KCNJ1: variants seen among roughly 807,000 people sequenced by gnomAD.
KCNJ1 encodes potassium inwardly rectifying channel subfamily J member 1, also known as ATP-sensitive inward rectifier potassium channel 1.
KCNJ1 carries 24 observed loss-of-function variants against 21.9 expected under a neutral mutation model. That is an observed-to-expected ratio of 1.10 (90% CI 0.79 to 1.54). The LOEUF is 1.54. KCNJ1 is among the 40% of genes most tolerant of loss of function. KCNJ1 has a pLI of 0.00. For missense variants in KCNJ1, 457 were observed against 455.4 expected, an observed-to-expected ratio of 1.00 and a Z score of -0.03; for synonymous variants, 152 against 160.9, an observed-to-expected ratio of 0.94 and a Z score of 0.42.
chr11:128,846,036 C>T (rs1943374210), intron 2 of KCNJ1, among the ~76,000 whole-genome samples: 1 of 152,194 alleles, frequency 6.6e-6, no homozygotes. Context: ...GTATCACTTT[C>T]TGAATAACTT....
At chr11:128,864,546 C>A (rs1943783194) in intron 1 of KCNJ1, among the ~76,000 whole-genome samples, 1 of 152,068 alleles carries the variant, frequency 6.6e-6, no homozygotes, top group Admixed American at 6.6e-5. Context: ...CCACTTTTTG[C>A]TATTTCACAG....
At chr11:128,848,420 G>C (rs1943421662) in intron 2 of KCNJ1, among the ~76,000 whole-genome samples, 1 of 151,928 alleles carries the variant, frequency 6.6e-6, no homozygotes, top group African/African-American at 2.4e-5. Flanking sequence ...TTGAACTCCT[G>C]GCCTCAAGCA....
intron 2 of KCNJ1, among the ~76,000 whole-genome samples, chr11:128,844,433 T>C (rs1943344212): frequency 6.6e-6 from 1 of 152,246 alleles, no homozygotes; most frequent in African/African-American, 2.4e-5. Context: ...CTAGTTGTGC[T>C]TCAGAGAAAT....
intron 1 of KCNJ1, among the ~76,000 whole-genome samples, chr11:128,865,746 C>A (rs1943805849): frequency 6.6e-6 from 1 of 152,100 alleles, no homozygotes; most frequent in South Asian, 2.1e-4. Context: ...AGGGTAGACT[C>A]ATAACCTAGC....
chr11:128,842,173 C>T (rs1943293884), intron 2 of KCNJ1, among the ~76,000 whole-genome samples: 1 of 152,244 alleles, frequency 6.6e-6, no homozygotes, highest in African/African-American at 2.4e-5. Flanking sequence ...GCTCCTAACA[C>T]ACCAACTTCT....
At chr11:128,853,729 C>T (rs548850704) in intron 1 of KCNJ1, among the ~76,000 whole-genome samples, 25 of 152,154 alleles carry the variant, frequency 1.6e-4, no homozygotes, top group Non-Finnish European at 3.1e-4. Flanking sequence ...CAGTCGCGAC[C>T]GACTTCCCCT....
chr11:128,865,861 TA>T (rs370937743), intron 1 of KCNJ1, among the ~76,000 whole-genome samples: 2 of 151,832 alleles, frequency 1.3e-5, no homozygotes, highest in African/African-American at 2.4e-5. Flanking sequence ...CTTCTTATAT[TA>T]AAAAAAATCA....
At chr11:128,842,498 T>A (rs1248294587) in intron 2 of KCNJ1, 2 of 1,609,608 alleles carry the variant, frequency 1.2e-6, no homozygotes, top group Non-Finnish European at 1.7e-6. Context: ...CCTAATTTAT[T>A]GTAGGCGACA....
intron 2 of KCNJ1, among the ~76,000 whole-genome samples, chr11:128,846,043 A>G (rs1201944675): frequency 6.6e-6 from 1 of 152,112 alleles, no homozygotes; most frequent in Non-Finnish European, 1.5e-5. Context: ...TTTCTGAATA[A>G]CTTGTCCTTT....
intron 1 of KCNJ1, among the ~76,000 whole-genome samples, chr11:128,856,648 A>T (rs573213061): frequency 1.3e-5 from 2 of 152,296 alleles, no homozygotes; most frequent in East Asian, 3.9e-4. Context: ...GTTTTGTTCA[A>T]TTCAGATCAT....
intron 1 of KCNJ1, among the ~76,000 whole-genome samples, chr11:128,864,776 C>T (rs752700037): frequency 7.2e-5 from 11 of 152,032 alleles, no homozygotes; most frequent in East Asian, 1.9e-4. Context: ...ACTTCATCCT[C>T]GCCTGTCCCC....
intron 1 of KCNJ1, among the ~76,000 whole-genome samples, chr11:128,863,884 C>T (rs753124525): frequency 2.6e-5 from 4 of 152,038 alleles, no homozygotes; most frequent in Non-Finnish European, 2.9e-5. Context: ...TTCTTTTTTC[C>T]GTTTGCTCAC....
chr11:128,846,133 G>C (rs1277197475), intron 2 of KCNJ1, among the ~76,000 whole-genome samples: 1 of 152,156 alleles, frequency 6.6e-6, no homozygotes, highest in Non-Finnish European at 1.5e-5. Context: ...GGGCAGCATG[G>C]CAGAGTCGAC....
intron 1 of KCNJ1, among the ~76,000 whole-genome samples, chr11:128,862,016 G>A (rs372040459): frequency 6.6e-6 from 1 of 152,130 alleles, no homozygotes; most frequent in Non-Finnish European, 1.5e-5. Flanking sequence ...GTGGTCATCC[G>A]CGTGGGAAGG....
rs113392179 is a variant in KCNJ1, at chr11:128,849,742, A to T, written c.-22+979T>A. 8.3e-3 allele frequency among the ~76,000 whole-genome samples: 1,258 copies of T among 152,334 alleles called. 16 individuals are homozygous for T. Among genetic ancestry groups the T allele is most frequent in the African/African-American group, 0.024 (1,005 of 41,570 alleles). On this transcript the variant is annotated intron_variant, in intron 2 of 2. Transcript: ENST00000392666. ...GGAAGCTTCTGTGGATTGTCCTGGCATAAGCAAACGGCCTGAGGTTGTGGG... is the reference window on the plus strand; with the variant it reads ...GGAAGCTTCTGTGGATTGTCCTGGCTTAAGCAAACGGCCTGAGGTTGTGGG...
chr11:128,865,217 T>C (rs1943795716), intron 1 of KCNJ1, among the ~76,000 whole-genome samples: 1 of 152,116 alleles, frequency 6.6e-6, no homozygotes, highest in Non-Finnish European at 1.5e-5. Flanking sequence ...AGGTCCTCTG[T>C]AGGAAAAGTA....
rs192685787 is a variant in KCNJ1, at chr11:128,865,969, T to C, written c.-192+1204A>G. Among the ~76,000 whole-genome samples, 310 of 152,270 alleles carry C rather than the reference T, an allele frequency of 2.0e-3. 2 individuals carry two copies. Among genetic ancestry groups the C allele is most frequent in the African/African-American group, 7.1e-3 (295 of 41,552 alleles). ...TACAAGGGCAGTCTTGCACCTACAC[T>C]GACTTGGTGCACCTCCTTACACAGA... On this transcript the variant is annotated intron_variant, in intron 1 of 2. Transcript: ENST00000392666.
At chr11:128,863,075 C>T (rs1300133728) in intron 1 of KCNJ1, among the ~76,000 whole-genome samples, 1 of 152,216 alleles carries the variant, frequency 6.6e-6, no homozygotes. Flanking sequence ...GGCAACGAAC[C>T]ATGAGACTTC....
At chr11:128,860,512 T>A (rs1301388416) in intron 1 of KCNJ1, among the ~76,000 whole-genome samples, 2 of 152,190 alleles carry the variant, frequency 1.3e-5, no homozygotes, top group Non-Finnish European at 2.9e-5. Flanking sequence ...ACTCAGGAAG[T>A]CTCTGTGCCG....
Sources: gnomAD v4.1 joint callset for allele counts (sites outside exome capture counted in the v4.1 genomes callset) on GRCh38, gnomAD v4.1.1 for gene constraint, MANE v1.5 for transcripts, NCBI Gene and HGNC (gene_info 2026-07-23, HGNC 2026-07-21) for gene names.